The following UNC5D variants were observed in gnomAD, a reference collection of about 807,000 sequenced individuals.
UNC5D encodes unc-5 netrin receptor D, also known as netrin receptor UNC5D.
A neutral mutation model predicts 105.4 loss-of-function variants in UNC5D; 39 were observed. That is an observed-to-expected ratio of 0.37 (90% CI 0.29 to 0.48). UNC5D has a LOEUF of 0.48. Among genes scored for constraint, UNC5D ranks in the 20% least tolerant of loss-of-function variants. The probability of loss-of-function intolerance (pLI) is 0.98; values close to 1 mark genes in which losing one functional copy is unlikely to be tolerated. For missense variants in UNC5D, 991 were observed against 1,202.4 expected, an observed-to-expected ratio of 0.82 and a Z score of 2.60; for synonymous variants, 452 against 450.4, an observed-to-expected ratio of 1.00 and a Z score of -0.04.
At chr8:35,485,166 G>A (rs1028239986) in intron 1 of UNC5D, among the ~76,000 whole-genome samples, 1 of 152,112 alleles carries the variant, frequency 6.6e-6, no homozygotes, top group Non-Finnish European at 1.5e-5. Context: ...AAAGAAAGCA[G>A]GACAGGCAAG....
At chr8:35,657,076 GTGTGTATATATATATATA>G (rs1353660902) in intron 4 of UNC5D, among the ~76,000 whole-genome samples, 9 of 94,456 alleles carry the variant, frequency 9.5e-5, no homozygotes, top group South Asian at 8.0e-4. Flanking sequence ...GTGTGTGTGT[GTGTGTATATATATATATA>G]TATATATATA....
At chr8:35,562,566 A>G (rs1817037434) in intron 2 of UNC5D, among the ~76,000 whole-genome samples, 1 of 152,014 alleles carries the variant, frequency 6.6e-6, no homozygotes, top group African/African-American at 2.4e-5. Context: ...CATTTCCCTG[A>G]TGATTAGTGA....
chr8:35,596,158 A>G (rs1819479987), intron 4 of UNC5D, among the ~76,000 whole-genome samples: 1 of 152,192 alleles, frequency 6.6e-6, no homozygotes, highest in South Asian at 2.1e-4. Flanking sequence ...GGCATTAGGG[A>G]TATAAAAAAT....
At chr8:35,396,525 C>T (rs1479376080) in intron 1 of UNC5D, among the ~76,000 whole-genome samples, 2 of 151,242 alleles carry the variant, frequency 1.3e-5, no homozygotes, top group African/African-American at 2.4e-5. Context: ...GAGACAAAAA[C>T]CTCCCTCGGT....
chr8:35,579,338 A>G (rs1818321935), intron 3 of UNC5D, among the ~76,000 whole-genome samples: 1 of 152,206 alleles, frequency 6.6e-6, no homozygotes, highest in African/African-American at 2.4e-5. Context: ...ATCCATGGGT[A>G]ATTATCTAGC....
intron 3 of UNC5D, among the ~76,000 whole-genome samples, chr8:35,589,044 A>C (rs1818979887): frequency 6.9e-6 from 1 of 144,500 alleles, no homozygotes; most frequent in Non-Finnish European, 1.5e-5. Flanking sequence ...ACTTCATCTC[A>C]AAAAAAAAAA....
At chr8:35,711,503 T>TTAAG (rs1302218845) in intron 8 of UNC5D, among the ~76,000 whole-genome samples, 3 of 152,008 alleles carry the variant, frequency 2.0e-5, no homozygotes, top group African/African-American at 7.2e-5. Flanking sequence ...TTTATTACCG[T>TTAAG]TAAGTATTTT....
intron 1 of UNC5D, among the ~76,000 whole-genome samples, chr8:35,421,604 T>C (rs941759124): frequency 6.6e-6 from 1 of 152,202 alleles, no homozygotes; most frequent in African/African-American, 2.4e-5. Flanking sequence ...AATTTTTTAT[T>C]GATTGCATTC....
chr8:35,748,699 A>C lies in UNC5D; in HGVS notation c.1935+4A>C. 1 of 1,612,142 alleles carries C rather than the reference A, an allele frequency of 6.2e-7. No homozygotes were observed. The highest frequency in any genetic ancestry group is 8.5e-7 in the Non-Finnish European group (1 of 1,179,268). The stretch of plus-strand genomic sequence containing the variant: ...GACACAGCAGGGCAAATGGGAGGTG[A>C]GACCCTTTACTTCCTTTTTTAAACA... On this transcript the variant is annotated splice_donor_region_variant and intron_variant, in intron 12 of 16. Coordinates refer to ENST00000404895, the MANE Select transcript of UNC5D (RefSeq NM_080872.4).
At chr8:35,554,255 C>A (rs1172523413) in intron 2 of UNC5D, among the ~76,000 whole-genome samples, 1 of 152,160 alleles carries the variant, frequency 6.6e-6, no homozygotes, top group Non-Finnish European at 1.5e-5. Flanking sequence ...TGTGTGTTTT[C>A]ATGCAGTTTA....
At chr8:35,353,571 A>G (rs907821390) in intron 1 of UNC5D, among the ~76,000 whole-genome samples, 4 of 152,216 alleles carry the variant, frequency 2.6e-5, no homozygotes, top group African/African-American at 7.2e-5. Flanking sequence ...CTAGCATACT[A>G]TGTATGGAAG....
At chr8:35,720,959 T>C (rs1828551177) in intron 8 of UNC5D, among the ~76,000 whole-genome samples, 1 of 152,160 alleles carries the variant, frequency 6.6e-6, no homozygotes, top group South Asian at 2.1e-4. Context: ...TAGCACCCTA[T>C]TTTACAGTCC....
chr8:35,706,496 A>G (rs1020668289), intron 8 of UNC5D, among the ~76,000 whole-genome samples: 1 of 152,100 alleles, frequency 6.6e-6, no homozygotes, highest in Admixed American at 6.5e-5. Flanking sequence ...TCTTCATTTT[A>G]TGCTTCCTGC....
intron 9 of UNC5D, among the ~76,000 whole-genome samples, chr8:35,723,569 GT>G (rs1363147960): frequency 6.6e-6 from 1 of 151,662 alleles, no homozygotes; most frequent in African/African-American, 2.4e-5. Flanking sequence ...CTAAGTTTTT[GT>G]TTTATTTTTA....
At chr8:35,390,410 T>C (rs941183433) in intron 1 of UNC5D, among the ~76,000 whole-genome samples, 14 of 152,170 alleles carry the variant, frequency 9.2e-5, no homozygotes, top group Admixed American at 9.2e-4. Context: ...TTGTTATTAG[T>C]ATTACACAAA....
chr8:35,343,235 T>C lies in UNC5D; in HGVS notation c.103+107348T>C, dbSNP rs1024187756. On this transcript the variant is annotated intron_variant, in intron 1 of 16. Transcript: ENST00000404895. ...CTGATCTGTCGAGCTCTCCTCTTTT[T>C]CTTTCCTGTCTCAGATTTGTATAAT... Among the ~76,000 whole-genome samples, 6 of 152,234 alleles carry C rather than the reference T, an allele frequency of 3.9e-5. No individual in the cohort carries two copies. The South Asian group carries it at 8.3e-4, about 21-fold the overall frequency.
At chr8:35,236,450 G>A (rs569012756) in intron 1 of UNC5D, among the ~76,000 whole-genome samples, 11 of 152,256 alleles carry the variant, frequency 7.2e-5, no homozygotes, top group African/African-American at 1.9e-4. Context: ...CCTGGAGCTC[G>A]GGAGAGCGGC....
At chr8:35,746,262 A>G (rs1047855673) in intron 11 of UNC5D, among the ~76,000 whole-genome samples, 1 of 152,164 alleles carries the variant, frequency 6.6e-6, no homozygotes, top group Non-Finnish European at 1.5e-5. Context: ...TGCTGTTAAC[A>G]CCTGCCTCTA....
chr8:35,568,090 A>T lies in UNC5D; in HGVS notation c.323-8A>T, dbSNP rs781620027. The T allele has an allele frequency of 1.2e-6, 2 of 1,613,844 alleles. No individual in the cohort carries two copies. The highest frequency in any genetic ancestry group is 1.7e-6 in the Non-Finnish European group (2 of 1,179,914). On this transcript the variant is annotated splice_region_variant and splice_polypyrimidine_tract_variant and intron_variant, in intron 2 of 16. Transcript: ENST00000404895. Reference sequence around the variant, plus strand: ...AGCTGATTTGTCTCTTATCTCTCCCACCATCAGGTTTGAAGGTCCGCGAAG... The same window carrying T: ...AGCTGATTTGTCTCTTATCTCTCCCTCCATCAGGTTTGAAGGTCCGCGAAG...
Sources: gnomAD v4.1 joint callset for allele counts (sites outside exome capture counted in the v4.1 genomes callset) on GRCh38, gnomAD v4.1.1 for gene constraint, MANE v1.5 for transcripts, NCBI Gene and HGNC (gene_info 2026-07-23, HGNC 2026-07-21) for gene names.